SYN3: variants seen among roughly 807,000 people sequenced by gnomAD.
SYN3 encodes the protein synapsin-3.
Under a neutral mutation model 65.8 loss-of-function variants are expected in SYN3, and 35 were observed. That is an observed-to-expected ratio of 0.53 (90% CI 0.41 to 0.70). The LOEUF (loss-of-function observed/expected upper bound fraction) is 0.70, where lower values mean the gene tolerates loss of function less well. Among genes scored for constraint, SYN3 ranks in the 30% least tolerant of loss-of-function variants. The pLI, the probability that SYN3 is intolerant of heterozygous loss-of-function variation, is 0.00. For missense variants in SYN3, 680 were observed against 749.0 expected, an observed-to-expected ratio of 0.91 and a Z score of 1.08; for synonymous variants, 270 against 292.9, an observed-to-expected ratio of 0.92 and a Z score of 0.80.
rs1401047566 is a variant in SYN3 at position 32,569,557 on chromosome 22, C to CTATATA, written c.774+27116_774+27117insTATATA. On this transcript the variant is annotated intron_variant, in intron 7 of 13. Coordinates refer to ENST00000358763, the MANE Select transcript of SYN3 (RefSeq NM_003490.4). ...AATCAATCTCTCTCTCTCTCTCTCT[C>CTATATA]TCTCTCTCTCTCTCTATATATATAT... 1.9e-3 allele frequency among the ~76,000 whole-genome samples: 142 copies of CTATATA among 76,622 alleles called. 2 individuals are homozygous for CTATATA. The highest frequency in any genetic ancestry group is 6.1e-3 in the Admixed American group (40 of 6,568). The allele number at this position is 76,622 out of a possible 152,430, so 50.3% of individuals were successfully genotyped here. A position where few individuals can be genotyped will look rare whatever the true frequency, so the allele number is the denominator to read the frequency against.
intron 6 of SYN3, among the ~76,000 whole-genome samples, chr22:32,803,017 C>T (rs890074121): frequency 6.6e-6 from 1 of 152,058 alleles, no homozygotes; most frequent in African/African-American, 2.4e-5. Flanking sequence ...GCCCCGAGAG[C>T]ATCCTGGGAG....
chr22:32,859,665 T>C (rs1369589888), intron 6 of SYN3: 1 of 429,652 alleles, frequency 2.3e-6, no homozygotes, highest in Non-Finnish European at 4.1e-6. Flanking sequence ...TTCGTGATAA[T>C]ATAATCTCTA....
intron 7 of SYN3, among the ~76,000 whole-genome samples, chr22:32,561,743 C>T (rs9621492): frequency 0.021 from 3,166 of 152,258 alleles, 99 homozygotes; most frequent in African/African-American, 0.072. Context: ...CTGTTTCCCA[C>T]GAAGAGCATG....
chr22:33,035,407 T>C (rs1349849266), intron 1 of SYN3, among the ~76,000 whole-genome samples: 1 of 120,314 alleles, frequency 8.3e-6, no homozygotes, highest in Non-Finnish European at 1.6e-5. Context: ...TGCAACACCC[T>C]CTTCCAAATG....
At chr22:32,738,764 T>A (rs2061364986) in intron 6 of SYN3, among the ~76,000 whole-genome samples, 1 of 152,186 alleles carries the variant, frequency 6.6e-6, no homozygotes, top group Non-Finnish European at 1.5e-5. Context: ...GTTAGCATTT[T>A]AAAAAATGAT....
intron 4 of SYN3, among the ~76,000 whole-genome samples, chr22:32,876,953 A>G (rs1415756203): frequency 1.3e-5 from 2 of 152,248 alleles, no homozygotes; most frequent in African/African-American, 4.8e-5. Flanking sequence ...AAGTAGATAG[A>G]TGATAGATAA....
At chr22:33,009,314 T>C (rs1043698580) in intron 1 of SYN3, among the ~76,000 whole-genome samples, 18 of 152,290 alleles carry the variant, frequency 1.2e-4, no homozygotes, top group African/African-American at 4.1e-4. Flanking sequence ...CCCATTCTAG[T>C]GGGTGTAGCA....
At chr22:32,684,655 C>G (rs935289545) in intron 6 of SYN3, among the ~76,000 whole-genome samples, 54 of 152,336 alleles carry the variant, frequency 3.5e-4, no homozygotes, top group African/African-American at 1.2e-3. Context: ...TCTGAGCCCT[C>G]AAGCACACCA....
At chr22:32,853,020 C>T (rs954932306) in intron 6 of SYN3, among the ~76,000 whole-genome samples, 3 of 152,190 alleles carry the variant, frequency 2.0e-5, no homozygotes, top group African/African-American at 4.8e-5. Context: ...TGGGGAGACC[C>T]GCTGGTCATG....
chr22:33,050,342 G>C (rs1172344702), intron 1 of SYN3, among the ~76,000 whole-genome samples: 1 of 151,974 alleles, frequency 6.6e-6, no homozygotes, highest in Non-Finnish European at 1.5e-5. Context: ...AATTAGCCGG[G>C]CGTGGTGGTG....
intron 6 of SYN3, among the ~76,000 whole-genome samples, chr22:32,616,326 A>G (rs922310462): frequency 2.6e-5 from 4 of 152,170 alleles, no homozygotes; most frequent in African/African-American, 7.2e-5. Flanking sequence ...ACAGAGGGGA[A>G]AACGACCAGG....
chr22:32,748,528 C>T (rs2045009844), intron 6 of SYN3, among the ~76,000 whole-genome samples: 1 of 152,148 alleles, frequency 6.6e-6, no homozygotes, highest in Admixed American at 6.5e-5. Flanking sequence ...TTGATCTTCC[C>T]CTCTTCCTTT....
At chr22:32,697,780 G>A (rs559650450) in intron 6 of SYN3, among the ~76,000 whole-genome samples, 1 of 152,334 alleles carries the variant, frequency 6.6e-6, no homozygotes, top group Non-Finnish European at 1.5e-5. Context: ...TATTTTTCTA[G>A]TTCTTGATTC....
chr22:32,987,505 G>C (rs241714), intron 2 of SYN3, among the ~76,000 whole-genome samples: 95,695 of 151,962 alleles, frequency 0.63, 30,511 homozygotes, highest in East Asian at 0.78. Context: ...CCCCTCAACC[G>C]CAAACAATGG....
chr22:32,578,418 T>A (rs962442134), intron 7 of SYN3, among the ~76,000 whole-genome samples: 45 of 152,094 alleles, frequency 3.0e-4, no homozygotes, highest in African/African-American at 9.2e-4. Context: ...GGCATTTTTT[T>A]ATTTTTATTT....
chr22:32,712,327 T>C (rs1282666361), intron 6 of SYN3, among the ~76,000 whole-genome samples: 1 of 152,240 alleles, frequency 6.6e-6, no homozygotes, highest in African/African-American at 2.4e-5. Context: ...ATGGAACTTA[T>C]CACTATTTCA....
chr22:32,517,987 G>T, intron 13 of SYN3, 56 bp downstream of exon 13: 1 of 1,404,124 alleles, frequency 7.1e-7, no homozygotes. Context: ...AATCAGCCAA[G>T]CTCTGCCTAC....
intron 7 of SYN3, among the ~76,000 whole-genome samples, chr22:32,542,141 T>C (rs1290905202): frequency 6.6e-6 from 1 of 152,182 alleles, no homozygotes; most frequent in Admixed American, 6.5e-5. Context: ...CTAGGATTTT[T>C]AGCCTGAATT....
intron 6 of SYN3, among the ~76,000 whole-genome samples, chr22:32,789,035 T>A (rs1440050648): frequency 6.6e-6 from 1 of 152,226 alleles, no homozygotes; most frequent in Non-Finnish European, 1.5e-5. Context: ...CAGGGTAGGA[T>A]TGCTGGGCCC....
Sources: allele counts gnomAD v4.1 joint callset (sites outside exome capture counted in the v4.1 genomes callset), GRCh38; gene constraint gnomAD v4.1.1; transcripts MANE v1.5; gene names NCBI Gene and HGNC (gene_info 2026-07-23, HGNC 2026-07-21).